The following INPP5B variants were observed in gnomAD, a reference collection of about 807,000 sequenced individuals.
INPP5B encodes the protein inositol polyphosphate-5-phosphatase B, also known as type II inositol 1,4,5-trisphosphate 5-phosphatase.
A neutral mutation model predicts 118.5 loss-of-function variants in INPP5B; 90 were observed. The ratio of observed to expected loss-of-function variants is 0.76; its 90% CI spans 0.64 to 0.90. The LOEUF (loss-of-function observed/expected upper bound fraction) is 0.90. INPP5B is among the 40% of genes least tolerant of loss of function. The pLI, the probability that INPP5B is intolerant of heterozygous loss-of-function variation, is 0.00. For synonymous variants in INPP5B, 385 were observed against 418.9 expected (o/e 0.92, Z 0.99); for missense variants, 984 against 1,125.6 (o/e 0.87, Z 1.80).
At chr1:37,895,867 C>T (rs1644024817) in intron 7 of INPP5B, among the ~76,000 whole-genome samples, 1 of 152,184 alleles carries the variant, frequency 6.6e-6, no homozygotes, top group African/African-American at 2.4e-5. Context: ...TCGCTACAAC[C>T]TCCACCTCCC....
In INPP5B at chr1:37,887,225, T is replaced by G. The variant is rs1389103183; in HGVS notation, c.1014+126A>C. 3.9e-6 allele frequency: 3 copies of G among 772,448 alleles called. No homozygotes were observed. In the South Asian group the frequency reaches 5.1e-5, roughly 13 times the overall value. The allele number at this position is 772,448 out of a possible 1,614,324, so 47.8% of individuals were successfully genotyped here. ...CCGGAGGCACCCCTTCTGGAAGATC[T>G]GGAAATGAAAATTGCGGGATAATTA... On this transcript the variant is annotated intron_variant, in intron 11 of 23. Coordinates refer to ENST00000373024, the MANE Select transcript of INPP5B (RefSeq NM_005540.3).
intron 7 of INPP5B, among the ~76,000 whole-genome samples, chr1:37,898,589 G>C (rs534077266): frequency 6.6e-6 from 1 of 151,982 alleles, no homozygotes; most frequent in Admixed American, 6.6e-5. Context: ...CAGCTACTCG[G>C]GAGGCTGAGG....
chr1:37,889,742 T>C lies in INPP5B; in HGVS notation c.630-18A>G, dbSNP rs369726152. On this transcript the variant is annotated intron_variant, in intron 8 of 23. Transcript: ENST00000373024. ...TATTCTGTCTGGAAAAACAGAAGTA[T>C]TTTTTTCATATGTGGATGAGTCCCC... The C allele has an allele frequency of 1.0e-5, 16 of 1,593,574 alleles. No homozygotes were observed. In the African/African-American group the frequency reaches 2.2e-4, roughly 21 times the overall value.
intron 3 of INPP5B, among the ~76,000 whole-genome samples, chr1:37,944,589 T>G (rs940920911): frequency 1.3e-5 from 2 of 148,424 alleles, no homozygotes; most frequent in African/African-American, 4.9e-5. Context: ...TGTTCGTTTT[T>G]TTTTTCTTGT....
intron 6 of INPP5B, among the ~76,000 whole-genome samples, chr1:37,933,719 C>A (rs1417214450): frequency 1.4e-5 from 2 of 138,506 alleles, no homozygotes; most frequent in Admixed American, 7.4e-5. Flanking sequence ...GACTCTGTCT[C>A]AATAAATAAA....
rs1387891170 is a variant in INPP5B, at chr1:37,943,646, T to G, written c.274A>C (p.Ile92Leu). The part of the protein sequence containing the change: ...EEVSPDGELY[I>L]LGSDVTVQLD... ...GACCAAGAGGACCACTCACCAAGGA[T>G]GTAGAGTTCACCATCTGGGGACACT... The change falls in exon 5 of 24, where the codon ATC becomes CTC. Residue 92 changes from isoleucine to leucine, a missense_variant. By Grantham distance (5) the Ile-to-Leu change is conservative (BLOSUM62 2). This residue lies in a region of INPP5B where 350 missense variants were observed against 334.6 expected (regional missense o/e 1.05). Coordinates refer to ENST00000373024, the MANE Select transcript of INPP5B (RefSeq NM_005540.3). 1.9e-6 allele frequency: 3 copies of G among 1,613,798 alleles called. No individual in the cohort carries two copies. The highest frequency in any genetic ancestry group is 1.7e-6 in the Non-Finnish European group (2 of 1,179,956).
At chr1:37,932,363 C>CTT (rs58150703) in intron 6 of INPP5B, among the ~76,000 whole-genome samples, 243 of 87,710 alleles carry the variant, frequency 2.8e-3, no homozygotes, top group East Asian at 3.3e-3. Flanking sequence ...CTTTTCTTTT[C>CTT]TTTTTTTTTT....
At chr1:37,921,662 C>T (rs556697880) in intron 7 of INPP5B, among the ~76,000 whole-genome samples, 10 of 152,108 alleles carry the variant, frequency 6.6e-5, no homozygotes, top group Admixed American at 2.0e-4. Context: ...GTCTGGCCAA[C>T]GTGGTGAAAC....
chr1:37,891,678 G>A (rs1381804651), intron 7 of INPP5B, among the ~76,000 whole-genome samples: 1 of 152,148 alleles, frequency 6.6e-6, no homozygotes, highest in African/African-American at 2.4e-5. Flanking sequence ...GGAGGCTGAG[G>A]CAGGAGAATC....
chr1:37,894,055 T>C (rs143241032), intron 7 of INPP5B, among the ~76,000 whole-genome samples: 6 of 152,372 alleles, frequency 3.9e-5, no homozygotes, highest in Non-Finnish European at 5.9e-5. Context: ...TGTGGCTGCA[T>C]TCTAACGAAA....
At chr1:37,938,375 T>C (rs1312457026) in intron 6 of INPP5B, among the ~76,000 whole-genome samples, 1 of 152,208 alleles carries the variant, frequency 6.6e-6, no homozygotes, top group Admixed American at 6.5e-5. Flanking sequence ...GTTCTTGGAA[T>C]AGTGCCTAAC....
chr1:37,916,493 C>T (rs9442055), intron 7 of INPP5B, among the ~76,000 whole-genome samples: 1 of 150,734 alleles, frequency 6.6e-6, no homozygotes, highest in Non-Finnish European at 1.5e-5. Flanking sequence ...CTCGGCTCAC[C>T]ACAACCTCTG....
At chr1:37,939,843 G>A (rs1160025502) in intron 6 of INPP5B, among the ~76,000 whole-genome samples, 1 of 152,076 alleles carries the variant, frequency 6.6e-6, no homozygotes, top group Non-Finnish European at 1.5e-5. Context: ...CCTGGGCTCC[G>A]GTGATCCTCC....
At chr1:37,883,067 G>A (rs1643304288) in intron 13 of INPP5B, 149 bp from the exon 14 acceptor site, 4 of 1,433,770 alleles carry the variant, frequency 2.8e-6, no homozygotes, top group African/African-American at 1.4e-5. Context: ...TTTTTCTCTC[G>A]CCATCCCATT....
Position 37,862,049 on chromosome 1 carries a change from AT to A in INPP5B, c.*265del, listed in dbSNP as rs1359576543. The A allele has an allele frequency of 2.8e-6, 1 of 355,046 alleles. No individual in the cohort carries two copies. Among genetic ancestry groups the A allele is most frequent in the Non-Finnish European group, 5.1e-6 (1 of 196,828 alleles). 22.0% of individuals were successfully genotyped at this position (355,046 alleles called of 1,614,324 possible). ...AAACTCCGTCTCAAAATAAAAAAAA[AT>A]AAAAAATAAAAAAATCTGTGTTAAA... On this transcript the variant is annotated 3_prime_UTR_variant, in exon 24 of 24. Transcript: ENST00000373024.
chr1:37,919,631 TAATATTAAGAGCA>T (rs1644986264), intron 7 of INPP5B, among the ~76,000 whole-genome samples: 1 of 152,172 alleles, frequency 6.6e-6, no homozygotes, highest in African/African-American at 2.4e-5. Context: ...TAAATACTAA[TAATATTAAGAGCA>T]AATACTTGGC....
chr1:37,868,497 C>G lies in INPP5B; in HGVS notation c.2301+4G>C. On this transcript the variant is annotated splice_donor_region_variant and intron_variant, in intron 20 of 23. Coordinates refer to ENST00000373024, the MANE Select transcript of INPP5B (RefSeq NM_005540.3). ...TCAGGTCTGAATGCTTAAACACAAC[C>G]TACCTGCTGGACAGCATTTCGGTAC... 1 of 1,605,916 alleles carries G rather than the reference C, an allele frequency of 6.2e-7. No individual in the cohort carries two copies. The highest frequency in any genetic ancestry group is 1.7e-4 in the Middle Eastern group (1 of 6,030).
chr1:37,885,477 C>A, intron 13 of INPP5B, 161 bp downstream of exon 13: 2 of 541,118 alleles, frequency 3.7e-6, no homozygotes, highest in African/African-American at 1.9e-5. Flanking sequence ...AGTTAGGAAA[C>A]TAAATATTTT....
chr1:37,876,979 C>T (rs1642871255), intron 16 of INPP5B, among the ~76,000 whole-genome samples: 1 of 152,052 alleles, frequency 6.6e-6, no homozygotes, highest in Admixed American at 6.6e-5. Flanking sequence ...TGCTTAAGCC[C>T]AGCAGATTGA....
Sources: allele counts gnomAD v4.1 joint callset (sites outside exome capture counted in the v4.1 genomes callset), GRCh38; gene constraint gnomAD v4.1.1; regional missense constraint gnomAD v4.1.1; transcripts MANE v1.5; gene names NCBI Gene and HGNC (gene_info 2026-07-23, HGNC 2026-07-21).